Variants in RASAL2 observed in about 807,000 individuals in gnomAD.
The protein encoded by RASAL2 is RAS protein activator like 2.
RASAL2 carries 58 observed loss-of-function variants against 128.9 expected under a neutral mutation model. The ratio of observed to expected loss-of-function variants is 0.45; its 90% CI spans 0.36 to 0.56. The LOEUF is 0.56. Among genes scored for constraint, RASAL2 ranks in the 20% least tolerant of loss-of-function variants. The probability of loss-of-function intolerance (pLI) is 0.00; values close to 1 mark genes in which losing one functional copy is unlikely to be tolerated. For missense variants in RASAL2, 1,360 were observed against 1,601.6 expected, an observed-to-expected ratio of 0.85 and a Z score of 2.57; for synonymous variants, 561 against 580.8, an observed-to-expected ratio of 0.97 and a Z score of 0.49.
At chr1:178,369,598 AC>A (rs200729304) in intron 3 of RASAL2, among the ~76,000 whole-genome samples, 2,868 of 152,232 alleles carry the variant, frequency 0.019, 35 homozygotes, top group Non-Finnish European at 0.028. Flanking sequence ...GACCTTTCTA[AC>A]TATACAGTGT....
intron 1 of RASAL2, among the ~76,000 whole-genome samples, chr1:178,216,172 C>T (rs182689386): frequency 6.6e-6 from 1 of 152,266 alleles, no homozygotes; most frequent in African/African-American, 2.4e-5. Flanking sequence ...AATAACATCT[C>T]ATCATCAAAC....
At chr1:178,356,221 T>G (rs372706404) in intron 3 of RASAL2, among the ~76,000 whole-genome samples, 3 of 150,774 alleles carry the variant, frequency 2.0e-5, no homozygotes, top group African/African-American at 7.3e-5. Flanking sequence ...ATCTCCAGAT[T>G]GGCTAAGATT....
At chr1:178,253,339 C>A (rs1384592383) in intron 1 of RASAL2, among the ~76,000 whole-genome samples, 1 of 152,126 alleles carries the variant, frequency 6.6e-6, no homozygotes, top group African/African-American at 2.4e-5. Flanking sequence ...TGCAATGACC[C>A]ATATTTTCAA....
At chr1:178,425,669 A>G (rs752017429) in intron 5 of RASAL2, among the ~76,000 whole-genome samples, 4 of 152,188 alleles carry the variant, frequency 2.6e-5, no homozygotes, top group Non-Finnish European at 4.4e-5. Flanking sequence ...TATAGGCATA[A>G]GATAGCTACT....
intron 1 of RASAL2, among the ~76,000 whole-genome samples, chr1:178,176,706 C>T (rs1661906392): frequency 6.6e-6 from 1 of 151,212 alleles, no homozygotes; most frequent in Non-Finnish European, 1.5e-5. Flanking sequence ...AGTGCATTGG[C>T]GTGATCATAG....
chr1:178,295,266 A>C (rs547756156), intron 2 of RASAL2, among the ~76,000 whole-genome samples: 214 of 151,602 alleles, frequency 1.4e-3, no homozygotes, highest in African/African-American at 4.4e-3. Context: ...ACAAAAAAAA[A>C]CCAGGGTACA....
At chr1:178,439,209 A>C (rs890781770) in intron 5 of RASAL2, among the ~76,000 whole-genome samples, 1 of 152,056 alleles carries the variant, frequency 6.6e-6, no homozygotes, top group Non-Finnish European at 1.5e-5. Context: ...ATTGAAAAAA[A>C]GTGTGTGTGC....
At chr1:178,323,178 A>G (rs181014933) in intron 3 of RASAL2, among the ~76,000 whole-genome samples, 175 of 152,316 alleles carry the variant, frequency 1.1e-3, no homozygotes, top group African/African-American at 4.1e-3. Flanking sequence ...TTATGTTTTC[A>G]GTAAGTTGTT....
At position 178,131,375 on chromosome 1, in the gene RASAL2, C is replaced by CTTTTTT. The variant is rs71108028; in HGVS notation, c.202+36702_202+36707dup. Among the ~76,000 whole-genome samples the CTTTTTT allele has an allele frequency of 4.4e-4, 36 of 82,604 alleles. 1 individual carries two copies. Among genetic ancestry groups the CTTTTTT allele is most frequent in the Non-Finnish European group, 5.6e-4 (25 of 44,548 alleles). The allele number at this position is 82,604 out of a possible 152,430, so 54.2% of individuals were successfully genotyped here. A position where few individuals can be genotyped will look rare whatever the true frequency, so the allele number is the denominator to read the frequency against. On this transcript the variant is annotated intron_variant, in intron 1 of 17. Transcript: ENST00000367649. ...TCGTGCACTACCACGCCTGGATAAT[C>CTTTTTT]TTTTTTTTTTTTTTTTTTTTTTTTT... is the stretch of plus-strand genomic sequence containing the variant.
intron 1 of RASAL2, among the ~76,000 whole-genome samples, chr1:178,204,911 A>G (rs1662988680): frequency 6.6e-6 from 1 of 152,236 alleles, no homozygotes; most frequent in Non-Finnish European, 1.5e-5. Context: ...TTCCTTGACC[A>G]TAACTAGGAT....
chr1:178,193,350 C>T (rs541355524), intron 1 of RASAL2, among the ~76,000 whole-genome samples: 1 of 152,234 alleles, frequency 6.6e-6, no homozygotes, highest in Admixed American at 6.5e-5. Context: ...TCTGCCCCAA[C>T]CCTCCTTTTT....
chr1:178,463,605 T>C (rs1647335037), intron 14 of RASAL2, among the ~76,000 whole-genome samples: 1 of 152,174 alleles, frequency 6.6e-6, no homozygotes, highest in Admixed American at 6.5e-5. Context: ...GACCCTTGAG[T>C]GATCTTAATC....
chr1:178,368,168 A>T (rs1334535272), intron 3 of RASAL2, among the ~76,000 whole-genome samples: 2 of 152,236 alleles, frequency 1.3e-5, no homozygotes. Context: ...AATATGGATT[A>T]GTATAATAGA....
chr1:178,236,986 A>G (rs2102038812), intron 1 of RASAL2, among the ~76,000 whole-genome samples: 1 of 151,958 alleles, frequency 6.6e-6, no homozygotes, highest in South Asian at 2.1e-4. Flanking sequence ...CTGGTCTCGA[A>G]CTTCTGATCT....
At chr1:178,165,618 A>T (rs544431348) in intron 1 of RASAL2, among the ~76,000 whole-genome samples, 2 of 152,310 alleles carry the variant, frequency 1.3e-5, no homozygotes, top group East Asian at 3.9e-4. Context: ...ATGCAAACAC[A>T]GTATGTTTTA....
chr1:178,407,757 A>C (rs1048266415), intron 4 of RASAL2, among the ~76,000 whole-genome samples: 1 of 152,208 alleles, frequency 6.6e-6, no homozygotes, highest in African/African-American at 2.4e-5. Context: ...AGGTGATGAC[A>C]TGTTTCCCTG....
intron 3 of RASAL2, among the ~76,000 whole-genome samples, chr1:178,361,951 G>T (rs1375979904): frequency 6.6e-6 from 1 of 151,844 alleles, no homozygotes; most frequent in African/African-American, 2.4e-5. Context: ...TTGCATGTAC[G>T]GTTTACAATA....
intron 1 of RASAL2, among the ~76,000 whole-genome samples, chr1:178,164,964 A>C (rs1410540603): frequency 1.3e-5 from 2 of 151,972 alleles, no homozygotes; most frequent in Non-Finnish European, 2.9e-5. Context: ...TATAACACTA[A>C]AAAATAATAC....
At chr1:178,306,915 G>A (rs1335931777) in intron 3 of RASAL2, among the ~76,000 whole-genome samples, 2 of 151,080 alleles carry the variant, frequency 1.3e-5, no homozygotes, top group South Asian at 2.1e-4. Context: ...CCTAATGCTA[G>A]ATGATAAGTT....
Sources: gnomAD v4.1 joint callset for allele counts (sites outside exome capture counted in the v4.1 genomes callset) on GRCh38, gnomAD v4.1.1 for gene constraint, MANE v1.5 for transcripts, NCBI Gene and HGNC (gene_info 2026-07-23, HGNC 2026-07-21) for gene names.